The following CYP2B6 variants were observed in gnomAD, a reference collection of about 807,000 sequenced individuals.
CYP2B6 encodes the protein cytochrome P450 2B6.
In CYP2B6, 35 loss-of-function variants were observed where a neutral mutation model predicts 43.4. The ratio of observed to expected loss-of-function variants is 0.81; its 90% confidence interval spans 0.62 to 1.07. The LOEUF (loss-of-function observed/expected upper bound fraction) is 1.07. Ranked by LOEUF, CYP2B6 falls within the 50% of genes least tolerant of loss-of-function variation. CYP2B6 has a pLI of 0.00. For synonymous variants in CYP2B6, 239 were observed against 239.2 expected (o/e 1.00, Z 0.01); for missense variants, 624 against 632.8 (o/e 0.99, Z 0.15).
Position 41,016,653 on chromosome 19 carries a change from G to T in CYP2B6, c.1302G>T (p.Arg434=), listed in dbSNP as rs146837827. Residue 434 remains arginine, a synonymous_variant, in exon 9 of 9, where the codon CGG becomes CGT. Transcript: ENST00000324071. Reference sequence around the variant, plus strand: ...GACCTTCTGTGTCCACAGGGAAGCGGATTTGTCTTGGTGAAGGCATCGCCC... The same window carrying T: ...GACCTTCTGTGTCCACAGGGAAGCGTATTTGTCTTGGTGAAGGCATCGCCC... ...EAFIPFSLGK[R]ICLGEGIARA... is the part of the protein sequence containing the mutation. 68 of 1,614,026 alleles carry T rather than the reference G, an allele frequency of 4.2e-5. No individual in the cohort carries two copies. The highest frequency in any genetic ancestry group is 5.5e-5 in the Non-Finnish European group (65 of 1,180,004).
intron 3 of CYP2B6, among the ~76,000 whole-genome samples, chr19:41,005,842 G>C (rs1299414645): frequency 6.7e-4 from 101 of 151,850 alleles, no homozygotes; most frequent in African/African-American, 2.4e-3. Context: ...TATACACACA[G>C]AGAGACAGAA....
At chr19:41,006,164 TTAA>T (rs1412507907) in intron 3 of CYP2B6, among the ~76,000 whole-genome samples, 194 of 152,090 alleles carry the variant, frequency 1.3e-3, no homozygotes, top group African/African-American at 4.5e-3. Flanking sequence ...TTTATTTGTT[TTAA>T]ATTAGAGACG....
rs533846962 is a variant in CYP2B6 at position 40,999,345 on chromosome 19, C to T, written c.172-4656C>T. ...AGCCCTTTGTCAGATGAGTAGGTTG[C>T]GAAAATTTTCTCCCATTTTGTAGGT... On this transcript the variant is annotated intron_variant, in intron 1 of 8. Transcript: ENST00000324071. Among the ~76,000 whole-genome samples the T allele has an allele frequency of 1.0e-3, 156 of 151,670 alleles. 2 individuals are homozygous for T. The highest frequency in any genetic ancestry group is 2.6e-3 in the African/African-American group (109 of 41,290).
At chr19:41,006,485 G>A (rs541860033) in intron 3 of CYP2B6, among the ~76,000 whole-genome samples, 35 of 151,922 alleles carry the variant, frequency 2.3e-4, no homozygotes, top group Non-Finnish European at 1.3e-4. Context: ...GCAATTGATT[G>A]AACACCTACT....
intron 8 of CYP2B6, among the ~76,000 whole-genome samples, chr19:41,014,451 G>A (rs373228898): frequency 7.9e-5 from 12 of 152,146 alleles, no homozygotes; most frequent in Admixed American, 3.3e-4. Context: ...AACTACGGGC[G>A]CATGCCACCA....
intron 8 of CYP2B6, among the ~76,000 whole-genome samples, chr19:41,013,810 A>C (rs11671243): frequency 0.68 from 103,069 of 152,056 alleles, 35,432 homozygotes; most frequent in Middle Eastern, 0.82. Flanking sequence ...GGGCAGCACA[A>C]GGAACCAGTA....
chr19:41,006,325 A>AAT (rs1555792885), intron 3 of CYP2B6, among the ~76,000 whole-genome samples: 1 of 118,538 alleles, frequency 8.4e-6, no homozygotes, highest in Non-Finnish European at 1.7e-5. Flanking sequence ...GTCTAGCTAC[A>AAT]TTTTTTTTTT....
rs370251507 is a variant in CYP2B6, at chr19:41,012,318, G to A, written c.985G>A (p.Glu329Lys). The A allele has an allele frequency of 5.2e-5, 84 of 1,613,958 alleles. No homozygotes were observed. Among genetic ancestry groups the A allele is most frequent in the Admixed American group, 1.2e-4 (7 of 59,996 alleles). Residue 329 changes from glutamate (E) to lysine (K), a missense_variant, in exon 7 of 9, where the codon GAA becomes AAA. By Grantham distance (56) the Glu-to-Lys change is moderately conservative (BLOSUM62 1). Coordinates refer to ENST00000324071, the MANE Select transcript of CYP2B6 (RefSeq NM_000767.5). ...TACAGAGAGAGTCTACAGGGAGATTGAACAGGTGATTGGCCCACATCGCCC... is the reference window on the plus strand; with the variant it reads ...TACAGAGAGAGTCTACAGGGAGATTAAACAGGTGATTGGCCCACATCGCCC... Reference protein sequence around the residue: ...HVAERVYREIEQVIGPHRPPE... With the variant: ...HVAERVYREIKQVIGPHRPPE...
chr19:41,016,433 A>AAAAAAGAGAGAG (rs1568564700), intron 8 of CYP2B6, among the ~76,000 whole-genome samples: 1 of 98,956 alleles, frequency 1.0e-5, no homozygotes, highest in African/African-American at 4.2e-5. Context: ...AAAAAAAAAA[A>AAAAAAGAGAGAG]AGAGAGAGAG....
Position 41,012,655 on chromosome 19 carries a change from T to A in CYP2B6, c.1153-19T>A. On this transcript the variant is annotated intron_variant, in intron 7 of 8. Coordinates refer to ENST00000324071, the MANE Select transcript of CYP2B6 (RefSeq NM_000767.5). The stretch of plus-strand genomic sequence containing the variant: ...TGGAGGGAATGGCAATATCTTTTGA[T>A]CTTGTGATCCTCCCTCAGGACACAG... 1.2e-6 allele frequency: 2 copies of A among 1,613,742 alleles called. No individual in the cohort carries two copies. The highest frequency in any genetic ancestry group is 1.7e-6 in the Non-Finnish European group (2 of 1,179,926).
intron 1 of CYP2B6, among the ~76,000 whole-genome samples, chr19:40,998,651 C>T (rs1176237994): frequency 4.5e-4 from 62 of 136,688 alleles, no homozygotes; most frequent in Non-Finnish European, 9.4e-4. Flanking sequence ...TCAATTCCCA[C>T]CTATGAGTGA....
chr19:41,015,423 T>C (rs1214067661), intron 8 of CYP2B6, among the ~76,000 whole-genome samples: 1 of 152,194 alleles, frequency 6.6e-6, no homozygotes, highest in African/African-American at 2.4e-5. Flanking sequence ...TAGACACACT[T>C]GTCCAACAAC....
chr19:41,003,801 A>T (rs1969131578), intron 1 of CYP2B6, 200 bp from the exon 2 acceptor site: 1 of 714,990 alleles, frequency 1.4e-6, no homozygotes, highest in African/African-American at 1.7e-5. Context: ...GAAACTAAGA[A>T]CCCATGACTG....
chr19:40,999,449 T>G (rs976487626), intron 1 of CYP2B6, among the ~76,000 whole-genome samples: 15 of 152,056 alleles, frequency 9.9e-5, no homozygotes, highest in Admixed American at 6.5e-5. Flanking sequence ...GTCAATTTTG[T>G]CTTTTGTTGC....
At chr19:40,996,551 G>A (rs1969002610) in intron 1 of CYP2B6, among the ~76,000 whole-genome samples, 1 of 152,124 alleles carries the variant, frequency 6.6e-6, no homozygotes, top group South Asian at 2.1e-4. Flanking sequence ...TATATCACCT[G>A]AGGTTTTTGT....
chr19:41,013,229 T>C (rs1435453646), intron 8 of CYP2B6, among the ~76,000 whole-genome samples: 1 of 152,074 alleles, frequency 6.6e-6, no homozygotes, highest in Non-Finnish European at 1.5e-5. Flanking sequence ...AATAATAAAA[T>C]AATCATCTCA....
intron 3 of CYP2B6, among the ~76,000 whole-genome samples, chr19:41,005,416 G>A (rs1969161687): frequency 6.6e-6 from 1 of 152,054 alleles, no homozygotes; most frequent in Admixed American, 6.5e-5. Flanking sequence ...ACGGGGACAA[G>A]AAGACTGAAG....
At chr19:41,015,312 T>C (rs1242606848) in intron 8 of CYP2B6, among the ~76,000 whole-genome samples, 2 of 152,178 alleles carry the variant, frequency 1.3e-5, no homozygotes, top group African/African-American at 4.8e-5. Flanking sequence ...CACAAAGAGT[T>C]ACAGAAGAAC....
intron 1 of CYP2B6, among the ~76,000 whole-genome samples, chr19:40,993,794 A>G (rs1346673871): frequency 1.3e-5 from 2 of 152,156 alleles, no homozygotes; most frequent in African/African-American, 4.8e-5. Flanking sequence ...TGTCAGCCGC[A>G]TTTTAAATTA....
Sources: allele counts gnomAD v4.1 joint callset (sites outside exome capture counted in the v4.1 genomes callset), GRCh38; gene constraint gnomAD v4.1.1; transcripts MANE v1.5; gene names NCBI Gene and HGNC (gene_info 2026-07-23, HGNC 2026-07-21).